MRPL43: variants seen among roughly 807,000 people sequenced by gnomAD.
MRPL43 encodes the protein mitochondrial ribosomal protein L43.
Under a neutral mutation model 12.7 loss-of-function variants are expected in MRPL43, and 9 were observed. The ratio of observed to expected loss-of-function variants is 0.71; its 90% CI spans 0.43 to 1.24. The LOEUF is 1.24. Ranked by LOEUF, MRPL43 falls within the 50% of genes most tolerant of loss-of-function variation. The pLI, the probability that MRPL43 is intolerant of heterozygous loss-of-function variation, is 0.00. For missense variants in MRPL43, 211 were observed against 229.2 expected, an observed-to-expected ratio of 0.92 and a Z score of 0.51; for synonymous variants, 116 against 96.4, an observed-to-expected ratio of 1.20 and a Z score of -1.19.
downstream of MRPL43, chr10:100,978,603 CCT>C (rs765930905): frequency 1.2e-6 from 2 of 1,614,112 alleles, no homozygotes. Context: ...ACCCACACTC[CCT>C]GAGAACTGAG....
At chr10:100,978,314 T>C, downstream of MRPL43, 2 of 1,613,464 alleles carry the variant, frequency 1.2e-6, no homozygotes, top group Non-Finnish European at 1.7e-6. Context: ...GCCTTCACCT[T>C]GCCAACCAGC....
chr10:100,982,303 C>A (rs1364770182), downstream of MRPL43, among the ~76,000 whole-genome samples: 2 of 152,180 alleles, frequency 1.3e-5, no homozygotes, highest in East Asian at 3.9e-4. Context: ...AGATTTTGGT[C>A]TTTATCCGAA....
At chr10:100,980,260 C>A (rs759518723), downstream of MRPL43, 2 of 1,614,234 alleles carry the variant, frequency 1.2e-6, no homozygotes, top group Non-Finnish European at 1.7e-6. Flanking sequence ...GCTGCTCAAG[C>A]GCAACATACG....
At chr10:100,983,760 C>T (rs138505815), downstream of MRPL43, 6 of 1,610,414 alleles carry the variant, frequency 3.7e-6, no homozygotes, top group South Asian at 1.1e-5. Context: ...CTCACTGGGT[C>T]GGGCCAGCCG....
At chr10:100,983,621 G>A (rs1589999247), downstream of MRPL43, 3 of 1,614,084 alleles carry the variant, frequency 1.9e-6, no homozygotes, top group Non-Finnish European at 2.5e-6. Flanking sequence ...GGGCACAGCT[G>A]GCACCTGATG....
downstream of MRPL43, chr10:100,980,373 G>C (rs760286258): frequency 2.4e-5 from 39 of 1,594,172 alleles, no homozygotes; most frequent in South Asian, 1.7e-4. Context: ...CCTGATCCCT[G>C]TTGGCCCTGA....
chr10:100,979,105 G>A (rs762050264), downstream of MRPL43: 3 of 1,614,068 alleles, frequency 1.9e-6, no homozygotes, highest in Non-Finnish European at 2.5e-6. Context: ...TCCCCAGGGA[G>A]ACCTGGGAGG....
rs147532658 is a variant in MRPL43 at position 100,986,804 on chromosome 10, G to A, written c.410C>T (p.Pro137Leu). Residue 137 changes from proline (P) to leucine (L), a missense_variant, in exon 3 of 3, where the codon CCG becomes CTG. Physicochemically the swap from Pro to Leu is moderately conservative, Grantham distance 98. Transcript: ENST00000318364. ...QGQWHPFTNK[P>L]TTFRGLRPRE... ...GGGGCGTAGCCCGCGGAACGTGGTC[G>A]GCTTGTTGGTGAAGGGGTGCCACTG... 45 of 1,613,818 alleles carry A rather than the reference G, an allele frequency of 2.8e-5. No homozygotes were observed. In the African/African-American group the frequency reaches 4.1e-4, roughly 15 times the overall value.
chr10:100,985,561 G>A (rs1397803701), downstream of MRPL43: 2 of 152,690 alleles, frequency 1.3e-5, no homozygotes, highest in Middle Eastern at 3.4e-3. Context: ...AGAGTGGGGA[G>A]CCTGGGCTCA....
chr10:100,983,921 G>A (rs1364699879), downstream of MRPL43: 18 of 147,658 alleles, frequency 1.2e-4, no homozygotes, highest in Admixed American at 3.0e-4. Context: ...CACCCCCACC[G>A]CCCCCACCGC....
downstream of MRPL43, chr10:100,979,008 G>GT: frequency 6.2e-7 from 1 of 1,614,018 alleles, no homozygotes; most frequent in Non-Finnish European, 8.5e-7. Context: ...CGTGTGGCTC[G>GT]TGTCTGCAAG....
downstream of MRPL43, chr10:100,978,761 T>C (rs1181839202): frequency 6.4e-7 from 1 of 1,561,080 alleles, no homozygotes; most frequent in East Asian, 2.3e-5. Flanking sequence ...TCCATTCCTG[T>C]GTGTTGTCAA....
downstream of MRPL43, chr10:100,978,567 C>A: frequency 6.2e-7 from 1 of 1,614,170 alleles, no homozygotes; most frequent in Non-Finnish European, 8.5e-7. Flanking sequence ...AATTCCGGAG[C>A]ATTCCTGACA....
chr10:100,978,960 G>A (rs1179175680), downstream of MRPL43: 1 of 1,614,196 alleles, frequency 6.2e-7, no homozygotes, highest in Admixed American at 1.7e-5. Context: ...GAGGGCTCTG[G>A]CAGCTTCACT....
downstream of MRPL43, chr10:100,979,043 C>G (rs369506663): frequency 6.2e-7 from 1 of 1,613,116 alleles, no homozygotes; most frequent in South Asian, 1.1e-5. Context: ...CGTTGGGGCA[C>G]GGGTATAGAG....
chr10:100,979,805 G>T, downstream of MRPL43: 3 of 1,606,652 alleles, frequency 1.9e-6, no homozygotes, highest in South Asian at 2.2e-5. Flanking sequence ...GGGCAGGCTT[G>T]ACTCCATGTA....
chr10:100,978,812 C>T (rs760557731), downstream of MRPL43: 9 of 1,604,248 alleles, frequency 5.6e-6, no homozygotes, highest in Middle Eastern at 1.7e-4. Context: ...GAATCCCCAG[C>T]CTGTCTCAAA....
downstream of MRPL43, among the ~76,000 whole-genome samples, chr10:100,982,062 C>A (rs373274242): frequency 1.8e-3 from 227 of 126,720 alleles, no homozygotes; most frequent in Middle Eastern, 7.8e-3. Flanking sequence ...CATCTCATCT[C>A]AAAAAAAAAA....
At chr10:100,983,663 G>C, downstream of MRPL43, 1 of 1,613,326 alleles carries the variant, frequency 6.2e-7, no homozygotes, top group Non-Finnish European at 8.5e-7. Context: ...CCATTGCCGC[G>C]CTTGGTGGCC....
Sources: gnomAD v4.1 joint callset for allele counts (sites outside exome capture counted in the v4.1 genomes callset) on GRCh38, gnomAD v4.1.1 for gene constraint, MANE v1.5 for transcripts, NCBI Gene and HGNC (gene_info 2026-07-23, HGNC 2026-07-21) for gene names.